Variants in TENT5B observed in about 807,000 individuals in gnomAD.
TENT5B encodes the protein family with sequence similarity 46 member B.
Under a neutral mutation model 21.7 loss-of-function variants are expected in TENT5B, and 12 were observed. The ratio of observed to expected loss-of-function variants is 0.55; its 90% CI spans 0.36 to 0.90. The LOEUF (loss-of-function observed/expected upper bound fraction) is 0.90. Ranked by LOEUF, TENT5B falls within the 40% of genes least tolerant of loss-of-function variation. TENT5B has a pLI of 0.01. For synonymous variants in TENT5B, 262 were observed against 266.6 expected (o/e 0.98, Z 0.17); for missense variants, 540 against 601.5 (o/e 0.90, Z 1.07).
At position 27,005,831 on chromosome 1, in the gene TENT5B, A is replaced by G; in HGVS notation, c.*113T>C. 5.0e-6 allele frequency: 7 copies of G among 1,400,034 alleles called. No homozygotes were observed. The South Asian group carries it at 1.0e-4, about 20-fold the overall frequency. 86.7% of individuals were successfully genotyped at this position (1,400,034 alleles called of 1,614,324 possible). On this transcript the variant is annotated 3_prime_UTR_variant, in exon 2 of 2. Coordinates refer to ENST00000289166, the MANE Select transcript of TENT5B (RefSeq NM_052943.4). The stretch of plus-strand genomic sequence containing the variant: ...TGTTCAATCAAAGGCCCAACCCTGC[A>G]GTGCTGGGCCTCCTGGCACATTCTG...
intron 1 of TENT5B, 86 bp downstream of exon 1, chr1:27,012,319 CTA>C: frequency 6.5e-7 from 1 of 1,536,624 alleles, no homozygotes; most frequent in East Asian, 2.5e-5. Context: ...CCCTAGCTGT[CTA>C]GAAAGTCAAA....
rs761115270 is a variant in TENT5B at position 27,012,709 on chromosome 1, G to A, written c.-39C>T. On this transcript the variant is annotated 5_prime_UTR_variant, in exon 1 of 2. Transcript: ENST00000289166. The stretch of plus-strand genomic sequence containing the variant: ...GGGCCCCGACGGCAGAAACCGTGGG[G>A]GTGGTTAAGGGGAGGAGGACAGGGA... 246 of 1,442,016 alleles carry A rather than the reference G, an allele frequency of 1.7e-4. 1 individual carries two copies. The highest frequency in any genetic ancestry group is 5.0e-4 in the Middle Eastern group (2 of 4,020). The allele number at this position is 1,442,016 out of a possible 1,614,324, so 89.3% of individuals were successfully genotyped here.
chr1:27,008,397 C>T (rs567320677), intron 1 of TENT5B, among the ~76,000 whole-genome samples: 112 of 152,200 alleles, frequency 7.4e-4, no homozygotes, highest in Non-Finnish European at 1.1e-3. Context: ...CAATCAGAGG[C>T]GGGCGGCGCC....
chr1:27,007,073 T>TATAA, intron 1 of TENT5B, 116 bp from the exon 2 acceptor site: 1 of 401,798 alleles, frequency 2.5e-6, no homozygotes, highest in South Asian at 9.9e-5. Context: ...CCAGCTGTTA[T>TATAA]GCCTTTGGAA....
chr1:27,006,206 C>A lies in TENT5B; in HGVS notation c.1016G>T (p.Arg339Leu). The A allele has an allele frequency of 6.2e-7, 1 of 1,608,758 alleles. No homozygotes were observed. Among genetic ancestry groups the A allele is most frequent in the Non-Finnish European group, 8.5e-7 (1 of 1,178,358 alleles). ...GTGCAGTGTCACCAGGCAGGCGTAACGGCGGGCTGCATCTGCCCCACCGAA... is the reference window on the plus strand; with the variant it reads ...GTGCAGTGTCACCAGGCAGGCGTAAAGGCGGGCTGCATCTGCCCCACCGAA... ...AHFGGADAAR[R>L]YACLVTLHRV... The change falls in exon 2 of 2, where the codon CGT becomes CTT. Residue 339 changes from arginine to leucine, a missense_variant. Coordinates refer to ENST00000289166, the MANE Select transcript of TENT5B (RefSeq NM_052943.4). The surrounding 1 kb of genome is among the most constrained non-coding windows in gnomAD (Gnocchi z 9.4).
Position 27,012,664 on chromosome 1 carries a change from G to C in TENT5B, c.7C>G (p.Pro3Ala), listed in dbSNP as rs1269017690. 1.4e-6 allele frequency: 2 copies of C among 1,464,800 alleles called. No homozygotes were observed. Among genetic ancestry groups the C allele is most frequent in the Admixed American group, 6.0e-5 (2 of 33,504 alleles). 90.7% of individuals were successfully genotyped at this position (1,464,800 alleles called of 1,614,324 possible). A position where few individuals can be genotyped will look rare whatever the true frequency, so the allele number is the denominator to read the frequency against. The change falls in exon 1 of 2, where the codon CCG becomes GCG. Residue 3 changes from proline to alanine, a missense_variant. Physicochemically the swap from Pro to Ala is conservative, Grantham distance 27. Transcript: ENST00000289166. Reference sequence around the variant, plus strand: ...CTGCGCTCAGCTCCGCTCTCCGACGGCATCATCCGCCCGGCCCCCGGGCCC... The same window carrying C: ...CTGCGCTCAGCTCCGCTCTCCGACGCCATCATCCGCCCGGCCCCCGGGCCC... MM[P>A]SESGAERRDR... is the part of the protein sequence containing the mutation.
rs534958056 is a variant in TENT5B at position 27,006,515 on chromosome 1, G to A, written c.707C>T (p.Pro236Leu). Residue 236 changes from proline to leucine, a missense_variant, in exon 2 of 2, where the codon CCC becomes CTC. By Grantham distance (98) the Pro-to-Leu change is moderately conservative. Transcript: ENST00000289166. This position sits in a 1 kb window ranked among gnomAD's most constrained non-coding sequence, Gnocchi z 9.4. ...LLLFGQCSST[P>L]MSEAFHPTVT... ...CGTTGGGTGGAAGGCCTCAGACATGGGAGTGGACGAGCACTGGCCAAAGAG... is the reference window on the plus strand; with the variant it reads ...CGTTGGGTGGAAGGCCTCAGACATGAGAGTGGACGAGCACTGGCCAAAGAG... 1.2e-6 allele frequency: 2 copies of A among 1,614,126 alleles called. No homozygotes were observed. The highest frequency in any genetic ancestry group is 1.7e-6 in the Non-Finnish European group (2 of 1,180,010).
In TENT5B at chr1:27,006,442, G is replaced by GTGC; in HGVS notation, c.777_779dup (p.Glu259_His260insGln). The GTGC allele has an allele frequency of 6.2e-7, 1 of 1,613,648 alleles. No individual in the cohort carries two copies. The highest frequency in any genetic ancestry group is 8.5e-7 in the Non-Finnish European group (1 of 1,179,880). On this transcript the variant is annotated inframe_insertion, in exon 2 of 2. Transcript: ENST00000289166. This position sits in a 1 kb window ranked among gnomAD's most constrained non-coding sequence, Gnocchi z 9.4. The stretch of plus-strand genomic sequence containing the variant: ...GCGTGGCGATGACACGGTGCCGCAG[G>GTGC]TGCTCCAGGGCCTCGGTGAAGTCCC...
chr1:27,007,394 CTTTT>C (rs978067044), intron 1 of TENT5B, among the ~76,000 whole-genome samples: 1 of 140,470 alleles, frequency 7.1e-6, no homozygotes, highest in Non-Finnish European at 1.6e-5. Context: ...GAGTCCAAGT[CTTTT>C]TTTTTTTTTT....
At chr1:27,011,352 C>G (rs1035887169) in intron 1 of TENT5B, among the ~76,000 whole-genome samples, 1 of 152,184 alleles carries the variant, frequency 6.6e-6, no homozygotes, top group Non-Finnish European at 1.5e-5. Context: ...TTGGCAGGAA[C>G]GCACAGGAGT....
rs762800043 is a variant in TENT5B, at chr1:27,006,728, G to A, written c.494C>T (p.Thr165Met). The A allele has an allele frequency of 1.7e-5, 27 of 1,613,854 alleles. No homozygotes were observed. In the East Asian group the frequency reaches 2.5e-4, roughly 15 times the overall value. The change falls in exon 2 of 2, where the codon ACG (threonine) becomes ATG (methionine). Residue 165 changes from threonine to methionine, a missense_variant. By Grantham distance (81) the Thr-to-Met change is moderately conservative. Transcript: ENST00000289166. This position sits in a 1 kb window ranked among gnomAD's most constrained non-coding sequence, Gnocchi z 9.4. The stretch of plus-strand genomic sequence containing the variant: ...GTATGCCTCCTTGAGTGTCAGTGGC[G>A]TGATCTTGGCCCGGCTCACACCGGC... ...LPAGVSRAKI[T>M]PLTLKEAYVQ...
rs1215453008 is a variant in TENT5B, at chr1:27,005,049, G to GT, written c.*894dup. 6.6e-6 allele frequency: 1 copy of GT among 152,632 alleles called. No homozygotes were observed. Among genetic ancestry groups the GT allele is most frequent in the African/African-American group, 2.4e-5 (1 of 41,422 alleles). The allele number at this position is 152,632 out of a possible 1,614,324, so 9.5% of individuals were successfully genotyped here. A position where few individuals can be genotyped will look rare whatever the true frequency, so the allele number is the denominator to read the frequency against. On this transcript the variant is annotated 3_prime_UTR_variant, in exon 2 of 2. Coordinates refer to ENST00000289166, the MANE Select transcript of TENT5B (RefSeq NM_052943.4). The stretch of plus-strand genomic sequence containing the variant: ...GTGTAGACCGTCTTTATTGGCAGGT[G>GT]TTAAGAGTGCAAAATATCAACAAAC...
Position 27,005,163 on chromosome 1 carries a change from T to C in TENT5B, c.*781A>G, listed in dbSNP as rs1384428014. ...AAGCCAGTGGGGTGGGAACGTTGAC[T>C]TGACTGTGGCAAATTCAGGCTCAGC... is the stretch of plus-strand genomic sequence containing the variant. On this transcript the variant is annotated 3_prime_UTR_variant, in exon 2 of 2. Transcript: ENST00000289166. 1 of 152,628 alleles carries C rather than the reference T, an allele frequency of 6.6e-6. No homozygotes were observed. The highest frequency in any genetic ancestry group is 1.5e-5 in the Non-Finnish European group (1 of 68,066). 9.5% of individuals were successfully genotyped at this position (152,628 alleles called of 1,614,324 possible).
intron 1 of TENT5B, among the ~76,000 whole-genome samples, chr1:27,011,323 A>T (rs1224079346): frequency 6.6e-6 from 1 of 152,144 alleles, no homozygotes; most frequent in African/African-American, 2.4e-5. Flanking sequence ...GGCCTACTTC[A>T]TCCAAAGGAA....
rs369511672 is a variant in TENT5B, at chr1:27,005,994, C to T, written c.1228G>A (p.Val410Met). The change falls in exon 2 of 2, where the codon GTG becomes ATG. Residue 410 changes from valine (V) to methionine (M), a missense_variant. Val to Met is a conservative substitution (Grantham distance 21). Transcript: ENST00000289166. ...PATVNYYVTP[V>M]QPLLAHAYPT... ...TAGGCGTGAGCCAGGAGAGGTTGCA[C>T]GGGGGTCACGTAGTAATTGACAGTG... 1.9e-5 allele frequency: 30 copies of T among 1,596,752 alleles called. No individual in the cohort carries two copies. The highest frequency in any genetic ancestry group is 1.5e-4 in the African/African-American group (11 of 74,666).
Position 27,005,100 on chromosome 1 carries a change from A to T in TENT5B, c.*844T>A. Reference sequence around the variant, plus strand: ...CCAGGGGAATACGCAAGGGGGTGGGAGTATGGCTCCCCTACCCCATGTGAG... The same window carrying T: ...CCAGGGGAATACGCAAGGGGGTGGGTGTATGGCTCCCCTACCCCATGTGAG... On this transcript the variant is annotated 3_prime_UTR_variant, in exon 2 of 2. Transcript: ENST00000289166. 1 of 152,648 alleles carries T rather than the reference A, an allele frequency of 6.6e-6. No individual in the cohort carries two copies. The highest frequency in any genetic ancestry group is 2.4e-5 in the African/African-American group (1 of 41,408). The allele number at this position is 152,648 out of a possible 1,614,324, so 9.5% of individuals were successfully genotyped here. A position where few individuals can be genotyped will look rare whatever the true frequency, so the allele number is the denominator to read the frequency against.
chr1:27,006,806 G>C lies in TENT5B; in HGVS notation c.416C>G (p.Ser139Cys), dbSNP rs759199001. ...CACCACTGCCTTGGTCAGCTGGAAG[G>C]ATGCCTCACTGCGCAGGTCCACCCG... ...VFRVDLRSEA[S>C]FQLTKAVVLA... Residue 139 changes from serine (S) to cysteine (C), a missense_variant, in exon 2 of 2, where the codon TCC becomes TGC. Coordinates refer to ENST00000289166, the MANE Select transcript of TENT5B (RefSeq NM_052943.4). This position sits in a 1 kb window ranked among gnomAD's most constrained non-coding sequence, Gnocchi z 9.4. The C allele has an allele frequency of 6.2e-7, 1 of 1,614,076 alleles. No individual in the cohort carries two copies. The highest frequency in any genetic ancestry group is 8.5e-7 in the Non-Finnish European group (1 of 1,180,032).
intron 1 of TENT5B, among the ~76,000 whole-genome samples, chr1:27,007,644 A>T (rs2082607259): frequency 6.6e-6 from 1 of 151,968 alleles, no homozygotes; most frequent in African/African-American, 2.4e-5. Context: ...CACACCTCCC[A>T]AAGTGCTGGG....
chr1:27,010,778 C>T (rs752823302), intron 1 of TENT5B, among the ~76,000 whole-genome samples: 2 of 152,214 alleles, frequency 1.3e-5, no homozygotes, highest in Non-Finnish European at 2.9e-5. Flanking sequence ...GGACATGGCA[C>T]CACCATTGCA....
Sources: allele counts gnomAD v4.1 joint callset (sites outside exome capture counted in the v4.1 genomes callset), GRCh38; gene constraint gnomAD v4.1.1; non-coding constraint Gnocchi (gnomAD v3.1); transcripts MANE v1.5; gene names NCBI Gene and HGNC (gene_info 2026-07-23, HGNC 2026-07-21).